Variants in ARMH4 observed in about 807,000 individuals in gnomAD.
ARMH4 encodes armadillo like helical domain containing 4, also known as armadillo-like helical domain-containing protein 4.
Under a neutral mutation model 61.9 loss-of-function variants are expected in ARMH4, and 49 were observed. That is an observed-to-expected ratio of 0.79 (90% CI 0.63 to 1.00). The LOEUF is 1.00. ARMH4 is among the 50% of genes least tolerant of loss of function. The pLI, the probability that ARMH4 is intolerant of heterozygous loss-of-function variation, is 0.00. For synonymous variants in ARMH4, 368 were observed against 341.5 expected (o/e 1.08, Z -0.85); for missense variants, 934 against 930.0 (o/e 1.00, Z -0.06).
At chr14:58,072,626 G>T (rs1227483425) in intron 5 of ARMH4, among the ~76,000 whole-genome samples, 1 of 151,950 alleles carries the variant, frequency 6.6e-6, no homozygotes, top group African/African-American at 2.4e-5. Flanking sequence ...GGAGGTTGAG[G>T]CAGGAGAATT....
chr14:58,144,120 A>T (rs1051433831), intron 1 of ARMH4, among the ~76,000 whole-genome samples: 2 of 152,196 alleles, frequency 1.3e-5, no homozygotes, highest in Admixed American at 1.3e-4. Flanking sequence ...TATTTGATAA[A>T]GAGGAAATAG....
At chr14:58,099,218 T>C (rs551940657) in intron 4 of ARMH4, among the ~76,000 whole-genome samples, 2 of 152,294 alleles carry the variant, frequency 1.3e-5, no homozygotes, top group African/African-American at 2.4e-5. Flanking sequence ...GAATTGTCAA[T>C]TTATTAATAA....
At chr14:58,122,267 C>A (rs1442276544) in intron 4 of ARMH4, among the ~76,000 whole-genome samples, 3 of 152,108 alleles carry the variant, frequency 2.0e-5, no homozygotes, top group Non-Finnish European at 4.4e-5. Flanking sequence ...ATAAATATGG[C>A]CTTCTGATGG....
chr14:58,123,029 G>A (rs149009451), intron 4 of ARMH4, among the ~76,000 whole-genome samples: 1,786 of 152,172 alleles, frequency 0.012, 36 homozygotes, highest in African/African-American at 0.041. Context: ...CTCCTGTCCC[G>A]GACAACTGTC....
chr14:58,120,032 C>T (rs544689008), intron 4 of ARMH4, among the ~76,000 whole-genome samples: 6 of 152,236 alleles, frequency 3.9e-5, no homozygotes, highest in South Asian at 2.1e-4. Flanking sequence ...TAGGCGATTT[C>T]GTCATCATGC....
At chr14:58,032,674 G>C (rs1237520191) in intron 5 of ARMH4, among the ~76,000 whole-genome samples, 2 of 151,732 alleles carry the variant, frequency 1.3e-5, no homozygotes, top group East Asian at 4.0e-4. Flanking sequence ...CCAGACAGTG[G>C]GCGCAGGCCA....
chr14:58,020,092 T>A (rs1174015245), intron 5 of ARMH4, among the ~76,000 whole-genome samples: 5 of 152,216 alleles, frequency 3.3e-5, no homozygotes, highest in Non-Finnish European at 5.9e-5. Flanking sequence ...AGGTAGATAC[T>A]ATTATCCACT....
At chr14:58,025,422 T>G (rs1882988836) in intron 5 of ARMH4, among the ~76,000 whole-genome samples, 1 of 152,132 alleles carries the variant, frequency 6.6e-6, no homozygotes, top group South Asian at 2.1e-4. Flanking sequence ...TATCACATCT[T>G]TCAAGGTGGG....
intron 4 of ARMH4, among the ~76,000 whole-genome samples, chr14:58,124,830 G>A (rs1055365152): frequency 6.6e-6 from 1 of 152,122 alleles, no homozygotes; most frequent in Non-Finnish European, 1.5e-5. Flanking sequence ...ATACTTAAAA[G>A]TAATCCCCTC....
At chr14:58,047,209 T>C (rs998182559) in intron 5 of ARMH4, among the ~76,000 whole-genome samples, 4 of 152,226 alleles carry the variant, frequency 2.6e-5, no homozygotes, top group Non-Finnish European at 4.4e-5. Context: ...GATTATCAGC[T>C]ATGAAAAGTT....
At chr14:58,015,288 G>T (rs567439416) in intron 5 of ARMH4, among the ~76,000 whole-genome samples, 79 of 152,308 alleles carry the variant, frequency 5.2e-4, no homozygotes, top group African/African-American at 1.8e-3. Context: ...CATTGATCTA[G>T]TTCAGTAATT....
intron 5 of ARMH4, among the ~76,000 whole-genome samples, chr14:58,079,169 C>T (rs1283527842): frequency 6.6e-6 from 1 of 152,126 alleles, no homozygotes; most frequent in African/African-American, 2.4e-5. Flanking sequence ...ATATCAAGTG[C>T]TTAGCAGTAT....
rs924112395 is a variant in ARMH4, at chr14:58,003,978, T to C, written c.*758A>G. 2.0e-5 allele frequency: 3 copies of C among 152,178 alleles called. No homozygotes were observed. The highest frequency in any genetic ancestry group is 2.0e-4 in the Admixed American group (3 of 15,276). The allele number at this position is 152,178 out of a possible 1,614,324, so 9.4% of individuals were successfully genotyped here. On this transcript the variant is annotated 3_prime_UTR_variant, in exon 8 of 8. Transcript: ENST00000267485. Reference sequence around the variant, plus strand: ...AACTAGCACACAAAAAGAATATCTCTTAATCATAAACATGTATGACATGTA... The same window carrying C: ...AACTAGCACACAAAAAGAATATCTCCTAATCATAAACATGTATGACATGTA...
At chr14:58,091,640 A>G (rs1430574297) in intron 5 of ARMH4, among the ~76,000 whole-genome samples, 11 of 152,194 alleles carry the variant, frequency 7.2e-5, no homozygotes, top group Non-Finnish European at 1.5e-5. Context: ...TGATTTTTAC[A>G]CTTTAAAGAT....
intron 4 of ARMH4, among the ~76,000 whole-genome samples, chr14:58,101,756 G>C (rs772718901): frequency 5.9e-5 from 9 of 152,084 alleles, no homozygotes; most frequent in Non-Finnish European, 1.0e-4. Flanking sequence ...GAAAAGCCCA[G>C]ACACCATGGA....
intron 5 of ARMH4, among the ~76,000 whole-genome samples, chr14:58,061,180 A>C (rs774512069): frequency 1.3e-5 from 2 of 152,140 alleles, no homozygotes; most frequent in Non-Finnish European, 2.9e-5. Flanking sequence ...CTGACACCCT[A>C]GCCCTGGGCT....
chr14:58,133,054 C>T (rs755716909), intron 3 of ARMH4, 36 bp downstream of exon 3: 1 of 1,609,536 alleles, frequency 6.2e-7, no homozygotes, highest in African/African-American at 1.3e-5. Flanking sequence ...AAGAGATCCA[C>T]CCCCAAAACA....
intron 5 of ARMH4, among the ~76,000 whole-genome samples, chr14:58,094,525 A>G (rs1416321624): frequency 6.6e-6 from 1 of 152,096 alleles, no homozygotes; most frequent in Non-Finnish European, 1.5e-5. Context: ...TATCCATACA[A>G]TTGAATACTA....
At chr14:58,064,718 G>C (rs1333950039) in intron 5 of ARMH4, among the ~76,000 whole-genome samples, 4 of 152,170 alleles carry the variant, frequency 2.6e-5, no homozygotes, top group African/African-American at 9.7e-5. Context: ...TTTTGAAAGA[G>C]TGAGGAGTAA....
Sources: gnomAD v4.1 joint callset for allele counts (sites outside exome capture counted in the v4.1 genomes callset) on GRCh38, gnomAD v4.1.1 for gene constraint, MANE v1.5 for transcripts, NCBI Gene and HGNC (gene_info 2026-07-23, HGNC 2026-07-21) for gene names.